The following LRRC27 variants were observed in gnomAD, a reference collection of about 807,000 sequenced individuals.
The protein encoded by LRRC27 is leucine rich repeat containing 27.
Under a neutral mutation model 55.0 loss-of-function variants are expected in LRRC27, and 57 were observed. That is an observed-to-expected ratio of 1.04 (90% CI 0.84 to 1.29). LRRC27 has a LOEUF of 1.29. Among genes scored for constraint, LRRC27 ranks in the 50% most tolerant of loss-of-function variants. The pLI is 0.00. For synonymous variants in LRRC27, 278 were observed against 251.9 expected (o/e 1.10, Z -0.98); for missense variants, 721 against 651.5 (o/e 1.11, Z -1.16).
intron 7 of LRRC27, among the ~76,000 whole-genome samples, chr10:132,354,691 A>G (rs2068225824): frequency 6.6e-6 from 1 of 152,218 alleles, no homozygotes; most frequent in African/African-American, 2.4e-5. Context: ...GGCCGGGTAG[A>G]GCCCAGGAGG....
intron 8 of LRRC27, among the ~76,000 whole-genome samples, chr10:132,360,601 C>G (rs1158720989): frequency 2.6e-5 from 4 of 152,110 alleles, no homozygotes; most frequent in Non-Finnish European, 4.4e-5. Flanking sequence ...TCCGCCCTTT[C>G]TGGTTGCCGA....
At chr10:132,330,681 T>G (rs1395534736), upstream of LRRC27, among the ~76,000 whole-genome samples, 2 of 150,352 alleles carry the variant, frequency 1.3e-5, no homozygotes, top group East Asian at 3.9e-4. Flanking sequence ...CATTTTTTTT[T>G]TTTTTTTTTT....
intron 10 of LRRC27, 62 bp downstream of exon 10, chr10:132,365,612 GT>G (rs925647053): frequency 2.0e-5 from 32 of 1,569,734 alleles, no homozygotes; most frequent in Non-Finnish European, 2.6e-5. Context: ...TTTTGTTTTT[GT>G]TTTTTTGAGA....
intron 9 of LRRC27, among the ~76,000 whole-genome samples, chr10:132,363,622 C>T (rs1457154090): frequency 6.6e-6 from 1 of 152,220 alleles, no homozygotes; most frequent in Non-Finnish European, 1.5e-5. Flanking sequence ...CTGCACCAGG[C>T]TCGCTGTGGC....
At chr10:132,333,811 A>ATT in intron 2 of LRRC27, 77 bp downstream of exon 2, 1 of 1,069,092 alleles carries the variant, frequency 9.4e-7, no homozygotes, top group South Asian at 1.5e-5. Context: ...CCTGGGCTTT[A>ATT]TTTGTAGGCT....
In LRRC27 at chr10:132,376,144, G is replaced by A. The variant is rs1315705113; in HGVS notation, c.*902G>A. On this transcript the variant is annotated 3_prime_UTR_variant, in exon 11 of 11. Coordinates refer to ENST00000368614, the MANE Select transcript of LRRC27 (RefSeq NM_030626.3). Reference sequence around the variant, plus strand: ...GTTCCTCTTATTTTCAGTATCTTTAGGATCCGTAATAATGTCCCCTCTTTT... The same window carrying A: ...GTTCCTCTTATTTTCAGTATCTTTAAGATCCGTAATAATGTCCCCTCTTTT... 1 of 152,136 alleles carries A rather than the reference G, an allele frequency of 6.6e-6. No homozygotes were observed. Among genetic ancestry groups the A allele is most frequent in the Non-Finnish European group, 1.5e-5 (1 of 68,032 alleles). 9.4% of individuals were successfully genotyped at this position (152,136 alleles called of 1,614,324 possible).
rs2133118349 is a variant in LRRC27, at chr10:132,376,393, C to T, written c.*1151C>T. ...TAGAGAAGAAGGGCGTGAAATTTAT[C>T]ACCTAAGCTTTCCATTCAGGAAGCT... On this transcript the variant is annotated 3_prime_UTR_variant, in exon 11 of 11. Transcript: ENST00000368614. The T allele has an allele frequency of 6.6e-6, 1 of 152,386 alleles. No homozygotes were observed. Among genetic ancestry groups the T allele is most frequent in the Non-Finnish European group, 1.5e-5 (1 of 68,044 alleles). The allele number at this position is 152,386 out of a possible 1,614,324, so 9.4% of individuals were successfully genotyped here.
intron 6 of LRRC27, 108 bp from the exon 7 acceptor site, chr10:132,351,499 C>T: frequency 8.0e-7 from 1 of 1,254,790 alleles, no homozygotes; most frequent in Non-Finnish European, 1.1e-6. Flanking sequence ...GCTAATTGTT[C>T]AGATGAGCGG....
At chr10:132,357,426 A>G (rs1466258224) in intron 8 of LRRC27, among the ~76,000 whole-genome samples, 1 of 152,264 alleles carries the variant, frequency 6.6e-6, no homozygotes, top group African/African-American at 2.4e-5. Context: ...TTAAATGTCA[A>G]CAGATGGAGA....
chr10:132,332,021 C>G, upstream of LRRC27: 2 of 389,138 alleles, frequency 5.1e-6, no homozygotes, highest in Non-Finnish European at 4.6e-6. Context: ...GCAGGGGCAC[C>G]CACACCCCGC....
chr10:132,332,733 C>A (rs1243514146), intron 1 of LRRC27, among the ~76,000 whole-genome samples: 1 of 148,038 alleles, frequency 6.8e-6, no homozygotes, highest in Non-Finnish European at 1.5e-5. Context: ...GCCTCTACCC[C>A]CCAATTAACT....
chr10:132,336,314 T>G (rs1012649752), intron 2 of LRRC27, among the ~76,000 whole-genome samples: 2 of 151,610 alleles, frequency 1.3e-5, no homozygotes, highest in African/African-American at 4.9e-5. Context: ...ATGTGGGGGG[T>G]GCACACCCAT....
chr10:132,333,699 C>T lies in LRRC27; in HGVS notation c.175C>T (p.Arg59Cys), dbSNP rs2066953023. ...AGACTTGAGTGAAAGTGGTCTGTGC[C>T]GTTTGGAGGAGGTCTTTAGAATCCC... ...ILDLSESGLCRLEEVFRIPSL... is the reference protein window; with the variant it reads ...ILDLSESGLCCLEEVFRIPSL... The change falls in exon 2 of 11, where the codon CGT (arginine) becomes TGT (cysteine). Residue 59 changes from arginine (R) to cysteine (C), a missense_variant. Transcript: ENST00000368614. 6 of 1,613,632 alleles carry T rather than the reference C, an allele frequency of 3.7e-6. No homozygotes were observed. Among genetic ancestry groups the T allele is most frequent in the Admixed American group, 1.7e-5 (1 of 60,024 alleles).
At position 132,333,495 on chromosome 10, in the gene LRRC27, G is replaced by T; in HGVS notation, c.-30G>T. The T allele has an allele frequency of 6.5e-7, 1 of 1,545,246 alleles. No individual in the cohort carries two copies. ...TCTCCAGGTGACTCCAGACCAAGGA[G>T]GATGAGCTGCTGTCCCTGGAAGAGA... On this transcript the variant is annotated 5_prime_UTR_variant, in exon 2 of 11. The change creates a new upstream start codon in the 5' untranslated region. Transcript: ENST00000368614.
chr10:132,355,930 G>C, intron 8 of LRRC27, 44 bp downstream of exon 8: 1 of 1,398,186 alleles, frequency 7.2e-7, no homozygotes, highest in Non-Finnish European at 9.9e-7. Context: ...TCCAGTCCCG[G>C]GGGTGGGTGG....
At chr10:132,362,620 T>C (rs114665261) in intron 9 of LRRC27, among the ~76,000 whole-genome samples, 6,045 of 141,434 alleles carry the variant, frequency 0.043, 261 homozygotes, top group African/African-American at 0.086. Context: ...GGTTCACCCT[T>C]CTCACCTCAC....
At chr10:132,361,737 G>A in intron 9 of LRRC27, 162 bp downstream of exon 9, 2 of 615,206 alleles carry the variant, frequency 3.3e-6, no homozygotes, top group Non-Finnish European at 5.8e-6. Context: ...GGGCTCCAGG[G>A]AGAGCCAGGT....
upstream of LRRC27, chr10:132,332,109 C>G: frequency 4.7e-6 from 1 of 213,956 alleles, no homozygotes; most frequent in Non-Finnish European, 9.2e-6. Flanking sequence ...GCAGGCGCAT[C>G]ACAGACACAC....
chr10:132,369,792 G>A (rs75019590), intron 10 of LRRC27, among the ~76,000 whole-genome samples: 4,745 of 152,202 alleles, frequency 0.031, 103 homozygotes, highest in Middle Eastern at 0.065. Context: ...AATCAAGTCC[G>A]GGTTTTTTAA....
Sources: allele counts gnomAD v4.1 joint callset (sites outside exome capture counted in the v4.1 genomes callset), GRCh38; gene constraint gnomAD v4.1.1; transcripts MANE v1.5; gene names NCBI Gene and HGNC (gene_info 2026-07-23, HGNC 2026-07-21).